ZBTB46: variants seen among roughly 807,000 people sequenced by gnomAD.
ZBTB46 encodes the protein zinc finger and BTB domain containing 46.
A neutral mutation model predicts 44.1 loss-of-function variants in ZBTB46; 8 were observed. The ratio of observed to expected loss-of-function variants is 0.18; its 90% CI spans 0.11 to 0.33. The LOEUF is 0.33. ZBTB46 is among the 10% of genes least tolerant of loss of function. The pLI is 1.00. For synonymous variants in ZBTB46, 409 were observed against 382.3 expected, an observed-to-expected ratio of 1.07 and a Z score of -0.81; for missense variants, 651 against 847.7, an observed-to-expected ratio of 0.77 and a Z score of 2.88.
At position 63,820,445 on chromosome 20, in the gene ZBTB46, T is replaced by A. The variant is rs184174970; in HGVS notation, c.-34+10652A>T. Among the ~76,000 whole-genome samples the A allele has an allele frequency of 4.0e-3, 565 of 140,466 alleles. 4 individuals carry two copies. The highest frequency in any genetic ancestry group is 0.013 in the East Asian group (46 of 3,534). 92.2% of individuals were successfully genotyped at this position (140,466 alleles called of 152,430 possible). ...TAAGAAGTATATTATATATATATAT[T>A]TTTTTTTTGAGACAGAGTTTTGCTC... On this transcript the variant is annotated intron_variant, in intron 1 of 4. Transcript: ENST00000245663.
intron 2 of ZBTB46, among the ~76,000 whole-genome samples, chr20:63,783,731 C>T (rs2092489650): frequency 6.6e-6 from 1 of 152,146 alleles, no homozygotes; most frequent in African/African-American, 2.4e-5. Flanking sequence ...GCTGTGGGAT[C>T]GGGGTGCGGA....
intron 1 of ZBTB46, among the ~76,000 whole-genome samples, chr20:63,813,071 C>G (rs2092726729): frequency 8.8e-6 from 1 of 113,896 alleles, no homozygotes; most frequent in South Asian, 2.3e-4. Flanking sequence ...ATACTCCAGC[C>G]TGGTGAGAGT....
intron 1 of ZBTB46, among the ~76,000 whole-genome samples, chr20:63,819,294 A>G (rs762061023): frequency 2.6e-5 from 4 of 152,218 alleles, no homozygotes; most frequent in Non-Finnish European, 5.9e-5. Context: ...TTAAGCGAAC[A>G]GAGAGCGCAC....
At chr20:63,778,786 G>A (rs1426304400) in intron 2 of ZBTB46, among the ~76,000 whole-genome samples, 1 of 152,144 alleles carries the variant, frequency 6.6e-6, no homozygotes, top group Non-Finnish European at 1.5e-5. Context: ...TATTAATTGT[G>A]CATTTCTAGG....
At position 63,757,774 on chromosome 20, in the gene ZBTB46, T is replaced by C. The variant is rs1045252016; in HGVS notation, c.1223-4913A>G. Among the ~76,000 whole-genome samples the C allele has an allele frequency of 1.3e-4, 20 of 152,268 alleles. No individual in the cohort carries two copies. In the South Asian group the frequency reaches 2.1e-3, roughly 16 times the overall value. On this transcript the variant is annotated intron_variant, in intron 3 of 4. Transcript: ENST00000245663. ...TAGAGATAGCAGTCGGAATCACCTTTGAGTGCACCTTTCACAGGTGAACCA... is the reference window on the plus strand; with the variant it reads ...TAGAGATAGCAGTCGGAATCACCTTCGAGTGCACCTTTCACAGGTGAACCA...
chr20:63,749,749 G>A (rs551679857), intron 4 of ZBTB46, among the ~76,000 whole-genome samples: 19 of 152,348 alleles, frequency 1.2e-4, no homozygotes, highest in Admixed American at 2.0e-4. Flanking sequence ...GGGTTGGAGC[G>A]GGGCTAGTGA....
rs1238133987 is a variant in ZBTB46 at position 63,760,835 on chromosome 20, C to A, written c.1223-7974G>T. ...CTTTCGGTTTTGGGGTTTGCCCAGG[C>A]TGGAATGCAGCAGTGCAATCATAGC... On this transcript the variant is annotated intron_variant, in intron 3 of 4. Coordinates refer to ENST00000245663, the MANE Select transcript of ZBTB46 (RefSeq NM_001369741.1). 4.0e-5 allele frequency among the ~76,000 whole-genome samples: 6 copies of A among 150,700 alleles called. 1 individual carries two copies. Among genetic ancestry groups the A allele is most frequent in the African/African-American group, 1.2e-4 (5 of 41,230 alleles).
At chr20:63,779,599 T>A (rs1302632702) in intron 2 of ZBTB46, among the ~76,000 whole-genome samples, 1 of 151,976 alleles carries the variant, frequency 6.6e-6, no homozygotes, top group East Asian at 1.9e-4. Flanking sequence ...TTTTTGTATT[T>A]TTAGTAGAGA....
chr20:63,796,524 T>C (rs770620406), intron 1 of ZBTB46, among the ~76,000 whole-genome samples: 2 of 152,238 alleles, frequency 1.3e-5, no homozygotes, highest in African/African-American at 2.4e-5. Context: ...CTTAAACCTT[T>C]CATTTAAAAT....
intron 1 of ZBTB46, among the ~76,000 whole-genome samples, chr20:63,799,596 C>T (rs1251393761): frequency 1.3e-5 from 2 of 152,228 alleles, no homozygotes; most frequent in African/African-American, 4.8e-5. Flanking sequence ...GATCCTCCCA[C>T]CTCAGCCTCC....
rs140449172 is a variant in ZBTB46, at chr20:63,788,567, G to A, written c.937+1254C>T. ...GTAAGAAAAAACATCAGCCAGGCGCGGTGGCTCACACCTGGAATCCCAGCA... is the reference window on the plus strand; with the variant it reads ...GTAAGAAAAAACATCAGCCAGGCGCAGTGGCTCACACCTGGAATCCCAGCA... On this transcript the variant is annotated intron_variant, in intron 2 of 4. Transcript: ENST00000245663. Among the ~76,000 whole-genome samples the A allele has an allele frequency of 1.3e-3, 194 of 152,206 alleles. 2 individuals are homozygous for A. The highest frequency in any genetic ancestry group is 4.4e-3 in the African/African-American group (183 of 41,558).
At chr20:63,828,946 G>A (rs775988313) in intron 1 of ZBTB46, among the ~76,000 whole-genome samples, 2 of 152,260 alleles carry the variant, frequency 1.3e-5, no homozygotes, top group Non-Finnish European at 2.9e-5. Flanking sequence ...CAGGGACAGA[G>A]TGGCCCAATT....
intron 2 of ZBTB46, among the ~76,000 whole-genome samples, chr20:63,779,262 C>T (rs1382788672): frequency 1.3e-5 from 2 of 151,924 alleles, no homozygotes; most frequent in African/African-American, 4.8e-5. Context: ...TATTTTGAGA[C>T]GGAGTTTCGC....
intron 3 of ZBTB46, among the ~76,000 whole-genome samples, chr20:63,764,322 G>C (rs937949781): frequency 3.1e-4 from 47 of 152,162 alleles, no homozygotes; most frequent in Admixed American, 2.0e-3. Flanking sequence ...TGTAATCCCA[G>C]CTACTGGGGA....
intron 1 of ZBTB46, among the ~76,000 whole-genome samples, chr20:63,820,063 A>G (rs1050365719): frequency 6.6e-6 from 1 of 152,244 alleles, no homozygotes; most frequent in Non-Finnish European, 1.5e-5. Context: ...CGAAGAAAAG[A>G]AAGCAAAAGT....
chr20:63,817,112 A>AAAAAGAAAAG (rs3068852), intron 1 of ZBTB46, among the ~76,000 whole-genome samples: 1 of 151,236 alleles, frequency 6.6e-6, no homozygotes, highest in Non-Finnish European at 1.5e-5. Flanking sequence ...TCTCAAAAAA[A>AAAAAGAAAAG]AAAAGAAAAG....
chr20:63,792,423 A>C (rs6011113), intron 1 of ZBTB46, among the ~76,000 whole-genome samples: 26 of 151,586 alleles, frequency 1.7e-4, no homozygotes, highest in Non-Finnish European at 3.2e-4. Flanking sequence ...CTCATGGGGG[A>C]CGGGGTCGGG....
chr20:63,804,045 C>A (rs1232868581), intron 1 of ZBTB46, among the ~76,000 whole-genome samples: 1 of 152,144 alleles, frequency 6.6e-6, no homozygotes, highest in Non-Finnish European at 1.5e-5. Context: ...GCCCAGCACG[C>A]TTCCCCTTTC....
chr20:63,790,626 C>T lies in ZBTB46; in HGVS notation c.132G>A (p.Ala44=), dbSNP rs779654825. The change falls in exon 2 of 5, where the codon GCG becomes GCA. Residue 44 remains alanine (A), a synonymous_variant. Coordinates refer to ENST00000245663, the MANE Select transcript of ZBTB46 (RefSeq NM_001369741.1). ...CVVVEGKVFK[A]HKNVLLGSSR... Reference sequence around the variant, plus strand: ...TGCTGCCCAGCAGGACGTTCTTGTGCGCCTTGAAGACCTTGCCCTCCACGA... The same window carrying T: ...TGCTGCCCAGCAGGACGTTCTTGTGTGCCTTGAAGACCTTGCCCTCCACGA... 18 of 1,611,566 alleles carry T rather than the reference C, an allele frequency of 1.1e-5. No homozygotes were observed. The highest frequency in any genetic ancestry group is 1.4e-5 in the Non-Finnish European group (17 of 1,180,028).
Sources: allele counts gnomAD v4.1 joint callset (sites outside exome capture counted in the v4.1 genomes callset), GRCh38; gene constraint gnomAD v4.1.1; transcripts MANE v1.5; gene names NCBI Gene and HGNC (gene_info 2026-07-23, HGNC 2026-07-21).